The following MAP3K5 variants were observed in gnomAD, a reference collection of about 807,000 sequenced individuals.
MAP3K5 encodes ASK-1.
MAP3K5 carries 56 observed loss-of-function variants against 158.7 expected under a neutral mutation model. The observed-to-expected ratio is 0.35, with a 90% CI of 0.28 to 0.44. The LOEUF is 0.44. Ranked by LOEUF, MAP3K5 falls within the 20% of genes least tolerant of loss-of-function variation. MAP3K5 has a pLI of 1.00. For synonymous variants in MAP3K5, 579 were observed against 601.7 expected (o/e 0.96, Z 0.55); for missense variants, 1,294 against 1,674.8 (o/e 0.77, Z 3.97).
At chr6:136,718,957 C>T (rs6921161) in intron 2 of MAP3K5, among the ~76,000 whole-genome samples, 62,322 of 151,940 alleles carry the variant, frequency 0.41, 13,855 homozygotes, top group Non-Finnish European at 0.5. Flanking sequence ...GGGAGAATCG[C>T]TTGAACCCAG....
chr6:136,679,753 G>A (rs145000936), intron 7 of MAP3K5, among the ~76,000 whole-genome samples: 22 of 151,972 alleles, frequency 1.4e-4, no homozygotes, highest in African/African-American at 4.8e-4. Context: ...ATATCATGAC[G>A]CATGTTACTA....
chr6:136,616,875 T>C (rs1776589290), intron 15 of MAP3K5, among the ~76,000 whole-genome samples: 1 of 151,916 alleles, frequency 6.6e-6, no homozygotes. Context: ...ACTACAGGCA[T>C]GCACCACCAT....
intron 24 of MAP3K5, among the ~76,000 whole-genome samples, chr6:136,582,157 TTTA>T (rs1774911124): frequency 6.6e-6 from 1 of 152,188 alleles, no homozygotes; most frequent in Admixed American, 6.5e-5. Context: ...CTCTCAGCTC[TTTA>T]TTACATAGCA....
chr6:136,576,162 T>C (rs150108747), intron 25 of MAP3K5, among the ~76,000 whole-genome samples: 61 of 152,316 alleles, frequency 4.0e-4, no homozygotes, highest in African/African-American at 1.4e-3. Context: ...TATTCTATAA[T>C]CTATAATCCA....
intron 14 of MAP3K5, among the ~76,000 whole-genome samples, chr6:136,627,670 G>A (rs1032182575): frequency 1.3e-5 from 2 of 152,150 alleles, no homozygotes; most frequent in Admixed American, 6.5e-5. Flanking sequence ...AGCCATGTGA[G>A]CACCCACAGA....
chr6:136,757,579 A>ATTTATTTTTTT (rs1562679137), intron 1 of MAP3K5, among the ~76,000 whole-genome samples: 7 of 111,966 alleles, frequency 6.3e-5, no homozygotes, highest in Admixed American at 1.8e-4. Context: ...TTATTTATTT[A>ATTTATTTTTTT]TTTTTTATTT....
chr6:136,694,039 T>A, intron 7 of MAP3K5, 101 bp downstream of exon 7: 1 of 868,668 alleles, frequency 1.2e-6, no homozygotes, highest in Admixed American at 2.5e-5. Context: ...TAATACACAA[T>A]CTTATGGATT....
chr6:136,764,303 G>A (rs1173102020), intron 1 of MAP3K5, among the ~76,000 whole-genome samples: 1 of 152,118 alleles, frequency 6.6e-6, no homozygotes, highest in Admixed American at 6.6e-5. Flanking sequence ...CAAAAATAAT[G>A]TTCTGAGAAT....
Position 136,590,544 on chromosome 6 carries a change from C to CT in MAP3K5, c.3225+1628dup, listed in dbSNP as rs755166871. 8.0e-3 allele frequency among the ~76,000 whole-genome samples: 1,138 copies of CT among 142,368 alleles called. 17 individuals are homozygous for CT. Among genetic ancestry groups the CT allele is most frequent in the African/African-American group, 0.024 (938 of 39,186 alleles). 93.4% of individuals were successfully genotyped at this position (142,368 alleles called of 152,430 possible). A position where few individuals can be genotyped will look rare whatever the true frequency, so the allele number is the denominator to read the frequency against. On this transcript the variant is annotated intron_variant, in intron 23 of 29. Transcript: ENST00000359015. Reference sequence around the variant, plus strand: ...AGTTTGCACATTTTCTTTTCTTTTTCTTTTTTTTTTTTTTGAGACAGAGTC... The same window carrying CT: ...AGTTTGCACATTTTCTTTTCTTTTTCTTTTTTTTTTTTTTTGAGACAGAGTC...
intron 19 of MAP3K5, among the ~76,000 whole-genome samples, chr6:136,602,338 T>A (rs988844482): frequency 6.6e-6 from 1 of 152,198 alleles, no homozygotes; most frequent in Non-Finnish European, 1.5e-5. Context: ...TCTCACTCTG[T>A]CACCCAGGCT....
At chr6:136,669,174 A>C (rs928140874) in intron 8 of MAP3K5, 109 bp downstream of exon 8, 2 of 764,446 alleles carry the variant, frequency 2.6e-6, no homozygotes, top group African/African-American at 1.8e-5. Context: ...CTCTTTGGGA[A>C]GTATGAAAAG....
At chr6:136,612,425 T>G (rs1274555520) in intron 17 of MAP3K5, among the ~76,000 whole-genome samples, 1 of 152,160 alleles carries the variant, frequency 6.6e-6, no homozygotes, top group Non-Finnish European at 1.5e-5. Context: ...TAAATTACGA[T>G]TTTCATAACT....
intron 2 of MAP3K5, among the ~76,000 whole-genome samples, chr6:136,705,338 AG>A (rs1781026343): frequency 6.6e-6 from 1 of 152,200 alleles, no homozygotes; most frequent in African/African-American, 2.4e-5. Flanking sequence ...TCTGTTGCCC[AG>A]GCTGGAGTAC....
chr6:136,791,644 C>A, intron 1 of MAP3K5, 66 bp downstream of exon 1: 1 of 1,550,178 alleles, frequency 6.5e-7, no homozygotes, highest in South Asian at 1.1e-5. Flanking sequence ...AATGAAATGC[C>A]CCGAAGACCG....
At chr6:136,724,077 C>T (rs1446403207) in intron 1 of MAP3K5, among the ~76,000 whole-genome samples, 3 of 151,648 alleles carry the variant, frequency 2.0e-5, no homozygotes, top group African/African-American at 7.3e-5. Flanking sequence ...CTGGAAGAAA[C>T]CAAATAAAAC....
intron 21 of MAP3K5, chr6:136,593,622 T>C (rs537438484): frequency 1.4e-5 from 5 of 363,742 alleles, no homozygotes; most frequent in Non-Finnish European, 2.1e-5. Flanking sequence ...CCCAAATGTA[T>C]ATAAAACTTC....
At chr6:136,766,304 T>A (rs1783966179) in intron 1 of MAP3K5, among the ~76,000 whole-genome samples, 1 of 152,170 alleles carries the variant, frequency 6.6e-6, no homozygotes, top group Non-Finnish European at 1.5e-5. Flanking sequence ...CGTAAAGAAA[T>A]GCCTACAAGG....
At chr6:136,591,222 C>A (rs545033118) in intron 23 of MAP3K5, among the ~76,000 whole-genome samples, 1 of 152,310 alleles carries the variant, frequency 6.6e-6, no homozygotes, top group East Asian at 1.9e-4. Context: ...TCAGGTATGT[C>A]TTTATTAGTA....
At chr6:136,645,095 A>G (rs1254404628) in intron 11 of MAP3K5, among the ~76,000 whole-genome samples, 1 of 151,904 alleles carries the variant, frequency 6.6e-6, no homozygotes, top group Non-Finnish European at 1.5e-5. Context: ...AACCTGGTTA[A>G]TTTTTTTAAA....
Sources: gnomAD v4.1 joint callset for allele counts (sites outside exome capture counted in the v4.1 genomes callset) on GRCh38, gnomAD v4.1.1 for gene constraint, MANE v1.5 for transcripts, NCBI Gene and HGNC (gene_info 2026-07-23, HGNC 2026-07-21) for gene names.